The following TRIM36 variants were observed in gnomAD, a reference collection of about 807,000 sequenced individuals.
TRIM36 encodes E3 ubiquitin-protein ligase TRIM36.
Under a neutral mutation model 72.4 loss-of-function variants are expected in TRIM36, and 42 were observed. The ratio of observed to expected loss-of-function variants is 0.58; its 90% CI spans 0.45 to 0.75. The LOEUF (loss-of-function observed/expected upper bound fraction) is 0.75, where lower values mean the gene tolerates loss of function less well. Ranked by LOEUF, TRIM36 falls within the 30% of genes least tolerant of loss-of-function variation. The pLI is 0.00. For synonymous variants in TRIM36, 315 were observed against 282.8 expected, an observed-to-expected ratio of 1.11 and a Z score of -1.14; for missense variants, 913 against 857.1, an observed-to-expected ratio of 1.07 and a Z score of -0.81.
chr5:115,128,925 T>C (rs897270937), intron 9 of TRIM36, among the ~76,000 whole-genome samples: 3 of 152,140 alleles, frequency 2.0e-5, no homozygotes, highest in African/African-American at 4.8e-5. Context: ...AATTCACTCA[T>C]GGATGCACCC....
In TRIM36 at chr5:115,134,279, T is replaced by C. The variant is rs367933923; in HGVS notation, c.1211-132A>G. ...TAATACTTTTCTAAATTTATAATAC[T>C]ATATATAGAAAGCACAAAAATTAAA... On this transcript the variant is annotated intron_variant, in intron 7 of 9. Coordinates refer to ENST00000513154, the MANE Select transcript of TRIM36 (RefSeq NM_001300759.2). 1.0e-4 allele frequency: 65 copies of C among 648,960 alleles called. 1 individual carries two copies. In the East Asian group the frequency reaches 1.2e-3, roughly 12 times the overall value. The allele number at this position is 648,960 out of a possible 1,614,324, so 40.2% of individuals were successfully genotyped here. A position where few individuals can be genotyped will look rare whatever the true frequency, so the allele number is the denominator to read the frequency against.
intron 2 of TRIM36, among the ~76,000 whole-genome samples, chr5:115,152,384 C>T (rs1464714655): frequency 2.0e-5 from 3 of 151,986 alleles, no homozygotes; most frequent in African/African-American, 4.8e-5. Context: ...GTTAAATGAC[C>T]CACCCTAAGA....
chr5:115,159,624 A>G, intron 2 of TRIM36: 1 of 453,944 alleles, frequency 2.2e-6, no homozygotes. Flanking sequence ...CCACAAAAGC[A>G]ATAAAACATT....
At chr5:115,154,600 T>C (rs1754072300) in intron 2 of TRIM36, among the ~76,000 whole-genome samples, 1 of 152,076 alleles carries the variant, frequency 6.6e-6, no homozygotes, top group African/African-American at 2.4e-5. Context: ...GACAGATAAA[T>C]TATTGGAAAG....
chr5:115,175,070 A>C (rs2126957217), intron 1 of TRIM36, among the ~76,000 whole-genome samples: 1 of 152,322 alleles, frequency 6.6e-6, no homozygotes. Flanking sequence ...GTAAATAAGA[A>C]CACAATACAC....
At chr5:115,169,533 C>T in intron 1 of TRIM36, 75 bp downstream of exon 1, 1 of 1,451,036 alleles carries the variant, frequency 6.9e-7, no homozygotes, top group South Asian at 1.3e-5. Context: ...TCCGGGCTCC[C>T]GGCGGAGGAA....
chr5:115,154,659 A>G (rs1265072118), intron 2 of TRIM36, among the ~76,000 whole-genome samples: 2 of 152,224 alleles, frequency 1.3e-5, no homozygotes, highest in Non-Finnish European at 2.9e-5. Context: ...CTCTGAACAG[A>G]CTAGTAACAA....
At position 115,156,453 on chromosome 5, in the gene TRIM36, TG is replaced by T. The variant is rs752238108; in HGVS notation, c.262+7064del. Among the ~76,000 whole-genome samples, 4 of 152,200 alleles carry T rather than the reference TG, an allele frequency of 2.6e-5. No homozygotes were observed. In the South Asian group the frequency reaches 8.3e-4, roughly 31 times the overall value. ...CATAGTCACTGAAACAGTATGGTAC[TG>T]GTATAAAAATAGGCACATAGACCAA... On this transcript the variant is annotated intron_variant, in intron 2 of 9. Transcript: ENST00000513154.
Position 115,137,059 on chromosome 5 carries a change from T to G in TRIM36, c.1151A>C (p.Tyr384Ser). 6.2e-7 allele frequency: 1 copy of G among 1,611,900 alleles called. No homozygotes were observed. Among genetic ancestry groups the G allele is most frequent in the South Asian group, 1.1e-5 (1 of 90,440 alleles). ...RPAAQTSFEDYVVNTSKQTEL... is the reference protein window; with the variant it reads ...RPAAQTSFEDSVVNTSKQTEL... ...TGTTTGTTTAGAGGTATTAACAACA[T>G]AGTCTTCAAAAGAAGTCTGAGCTGC... is the stretch of plus-strand genomic sequence containing the variant. The change falls in exon 7 of 10, where the codon TAT becomes TCT. Residue 384 changes from tyrosine (Y) to serine (S), a missense_variant. Transcript: ENST00000513154.
intron 2 of TRIM36, among the ~76,000 whole-genome samples, chr5:115,148,132 G>C (rs1753691052): frequency 1.3e-5 from 2 of 152,082 alleles, no homozygotes; most frequent in African/African-American, 4.8e-5. Flanking sequence ...ATTTTTAAGA[G>C]GGACCAACCA....
chr5:115,132,719 G>A (rs1328518549), intron 8 of TRIM36, among the ~76,000 whole-genome samples: 1 of 151,994 alleles, frequency 6.6e-6, no homozygotes, highest in Non-Finnish European at 1.5e-5. Flanking sequence ...CCCTAGTCAC[G>A]TATCTTCTCT....
intron 2 of TRIM36, among the ~76,000 whole-genome samples, chr5:115,160,735 A>G (rs545932459): frequency 6.6e-6 from 1 of 152,272 alleles, no homozygotes; most frequent in East Asian, 1.9e-4. Context: ...AGTCTCCGGT[A>G]TGTAGGAGGC....
At chr5:115,133,563 G>C (rs570439443) in intron 8 of TRIM36, among the ~76,000 whole-genome samples, 5 of 152,036 alleles carry the variant, frequency 3.3e-5, no homozygotes, top group Non-Finnish European at 7.4e-5. Context: ...TTTTAAAATA[G>C]CATTTATGCT....
At chr5:115,174,134 A>G (rs1337853603), upstream of TRIM36, 1 of 152,214 alleles carries the variant, frequency 6.6e-6, no homozygotes, top group African/African-American at 2.4e-5. Flanking sequence ...GTCTTTTTCC[A>G]TATTGATTCC....
chr5:115,135,453 CT>C (rs1377541058), intron 7 of TRIM36, among the ~76,000 whole-genome samples: 1 of 150,090 alleles, frequency 6.7e-6, no homozygotes, highest in Non-Finnish European at 1.5e-5. Flanking sequence ...TACTCTTTTT[CT>C]TTCTTTTTTT....
intron 4 of TRIM36, among the ~76,000 whole-genome samples, chr5:115,143,959 C>T (rs754287916): frequency 7.2e-5 from 11 of 152,226 alleles, no homozygotes; most frequent in Middle Eastern, 6.8e-3. Flanking sequence ...CAAGCTCCGC[C>T]TCCTGGGTTC....
chr5:115,174,516 C>G (rs1755250273), upstream of TRIM36, among the ~76,000 whole-genome samples: 1 of 152,134 alleles, frequency 6.6e-6, no homozygotes, highest in Non-Finnish European at 1.5e-5. Flanking sequence ...CAATTATTGA[C>G]TCAAGCTACT....
At chr5:115,159,403 T>C (rs1754356014) in intron 2 of TRIM36, among the ~76,000 whole-genome samples, 1 of 152,240 alleles carries the variant, frequency 6.6e-6, no homozygotes. Flanking sequence ...CAAAAATATC[T>C]TGTCATGTAT....
At chr5:115,164,697 T>C (rs755476245) in intron 1 of TRIM36, among the ~76,000 whole-genome samples, 7 of 152,214 alleles carry the variant, frequency 4.6e-5, no homozygotes, top group Non-Finnish European at 5.9e-5. Flanking sequence ...AACCATATCA[T>C]TGTGGCCCTG....
Sources: allele counts gnomAD v4.1 joint callset (sites outside exome capture counted in the v4.1 genomes callset), GRCh38; gene constraint gnomAD v4.1.1; transcripts MANE v1.5; gene names NCBI Gene and HGNC (gene_info 2026-07-23, HGNC 2026-07-21).